Variants in PIP4K2B observed in about 807,000 individuals in gnomAD.
The protein encoded by PIP4K2B is phosphatidylinositol 5-phosphate 4-kinase type-2 beta.
Under a neutral mutation model 42.0 loss-of-function variants are expected in PIP4K2B, and 3 were observed. The ratio of observed to expected loss-of-function variants is 0.07; its 90% CI spans 0.03 to 0.18. The LOEUF (loss-of-function observed/expected upper bound fraction) is 0.18. Ranked by LOEUF, PIP4K2B falls within the 10% of genes least tolerant of loss-of-function variation. The pLI is 1.00. For synonymous variants in PIP4K2B, 204 were observed against 210.1 expected (o/e 0.97, Z 0.25); for missense variants, 332 against 562.3 (o/e 0.59, Z 4.14).
chr17:38,770,951 C>A, intron 8 of PIP4K2B, 63 bp downstream of exon 8: 2 of 1,584,822 alleles, frequency 1.3e-6, no homozygotes, highest in South Asian at 1.1e-5. Context: ...AGGATCTAAA[C>A]AATGAGCTGA....
chr17:38,784,472 G>T, intron 2 of PIP4K2B, 133 bp from the exon 3 acceptor site: 1 of 569,794 alleles, frequency 1.8e-6, no homozygotes, highest in Non-Finnish European at 3.1e-6. Flanking sequence ...CTGGCTTCAA[G>T]CGATCCTCCC....
In PIP4K2B at chr17:38,780,504, A is replaced by T. The variant is rs1909634950; in HGVS notation, c.455T>A (p.Val152Glu). 6.2e-7 allele frequency: 1 copy of T among 1,613,874 alleles called. No individual in the cohort carries two copies. Among genetic ancestry groups the T allele is most frequent in the African/African-American group, 1.3e-5 (1 of 74,932 alleles). ...TYDRRFVIKTVSSEDVAEMHN... is the reference protein window; with the variant it reads ...TYDRRFVIKTESSEDVAEMHN... Reference sequence around the variant, plus strand: ...CATCTCCGCCACGTCCTCGCTGGACACAGTCTTGATGACAAAGCGCCGGTC... The same window carrying T: ...CATCTCCGCCACGTCCTCGCTGGACTCAGTCTTGATGACAAAGCGCCGGTC... The change falls in exon 4 of 10, where the codon GTG becomes GAG. Residue 152 changes from valine to glutamate, a missense_variant. Val to Glu is a moderately radical substitution (Grantham distance 121). Coordinates refer to ENST00000619039, the MANE Select transcript of PIP4K2B (RefSeq NM_003559.5).
At position 38,779,563 on chromosome 17, in the gene PIP4K2B, G is replaced by C. The variant is rs1205667756; in HGVS notation, c.508-34C>G. The C allele has an allele frequency of 3.1e-6, 5 of 1,595,520 alleles. No individual in the cohort carries two copies. The African/African-American group carries it at 6.7e-5, about 21-fold the overall frequency. The stretch of plus-strand genomic sequence containing the variant: ...GAAAGGAAGAAGAGAGAGGACTAAG[G>C]AACAGGCAGTGCCAGGGATGGATGG... On this transcript the variant is annotated intron_variant, in intron 4 of 9. Transcript: ENST00000619039.
intron 7 of PIP4K2B, among the ~76,000 whole-genome samples, chr17:38,773,515 T>C (rs918198686): frequency 2.0e-5 from 3 of 152,164 alleles, no homozygotes; most frequent in Non-Finnish European, 2.9e-5. Context: ...TGATACAGGA[T>C]GGAAATGGCC....
rs1908730250 is a variant in PIP4K2B, at chr17:38,766,797, T to G, written c.*2894A>C. On this transcript the variant is annotated 3_prime_UTR_variant, in exon 10 of 10. Transcript: ENST00000619039. ...CAAGCCGCAGGGTACAGGAAAGAAG[T>G]TTGTGCTGGGGGACTCAAAGACCCA... is the stretch of plus-strand genomic sequence containing the variant. The G allele has an allele frequency of 6.5e-6, 1 of 152,748 alleles. No homozygotes were observed. Among genetic ancestry groups the G allele is most frequent in the African/African-American group, 2.4e-5 (1 of 41,510 alleles). 9.5% of individuals were successfully genotyped at this position (152,748 alleles called of 1,614,324 possible). A position where few individuals can be genotyped will look rare whatever the true frequency, so the allele number is the denominator to read the frequency against.
At chr17:38,791,594 A>G (rs1194808493) in intron 1 of PIP4K2B, among the ~76,000 whole-genome samples, 17 of 150,190 alleles carry the variant, frequency 1.1e-4, no homozygotes. Context: ...TTTTTAGTAG[A>G]GATGGGGTTT....
chr17:38,788,615 G>C (rs1050644612), intron 1 of PIP4K2B, among the ~76,000 whole-genome samples: 2 of 152,044 alleles, frequency 1.3e-5, no homozygotes, highest in Non-Finnish European at 2.9e-5. Context: ...CCAGTACTTT[G>C]GAAGGCCAAG....
At chr17:38,775,841 A>C (rs956213851) in intron 7 of PIP4K2B, among the ~76,000 whole-genome samples, 3 of 152,086 alleles carry the variant, frequency 2.0e-5, no homozygotes, top group African/African-American at 7.2e-5. Flanking sequence ...CTGGCAACAG[A>C]GCGAGACTCT....
intron 9 of PIP4K2B, 47 bp downstream of exon 9, chr17:38,770,389 G>T: frequency 8.5e-7 from 1 of 1,172,164 alleles, no homozygotes; most frequent in Non-Finnish European, 1.3e-6. Context: ...GGTAAGCACA[G>T]ATGCACCGAC....
intron 7 of PIP4K2B, among the ~76,000 whole-genome samples, chr17:38,771,866 AAAAAAATTTAAAAATTGG>A (rs1567652289): frequency 6.6e-6 from 1 of 152,096 alleles, no homozygotes; most frequent in Non-Finnish European, 1.5e-5. Flanking sequence ...CCATCTCTAC[AAAAAAATTTAAAAATTGG>A]CTGGGCGTGG....
In PIP4K2B at chr17:38,770,572, G is replaced by T. The variant is rs1402779811; in HGVS notation, c.1067-33C>A. The T allele has an allele frequency of 2.4e-6, 3 of 1,227,984 alleles. No homozygotes were observed. In the Admixed American group the frequency reaches 5.1e-5, roughly 21 times the overall value. The allele number at this position is 1,227,984 out of a possible 1,614,324, so 76.1% of individuals were successfully genotyped here. Reference sequence around the variant, plus strand: ...GACAAGGAGAGCAGGGAAGAAGGAAGAGGGGGCAGGAGAAGGGCAGACAGC... The same window carrying T: ...GACAAGGAGAGCAGGGAAGAAGGAATAGGGGGCAGGAGAAGGGCAGACAGC... On this transcript the variant is annotated intron_variant, in intron 8 of 9. Transcript: ENST00000619039.
intron 1 of PIP4K2B, among the ~76,000 whole-genome samples, chr17:38,793,935 TG>T (rs1161346438): frequency 1.4e-5 from 2 of 145,096 alleles, no homozygotes; most frequent in Non-Finnish European, 3.0e-5. Flanking sequence ...AGAACTGGGG[TG>T]GAATGTAGGA....
chr17:38,770,892 A>T, intron 8 of PIP4K2B, 122 bp downstream of exon 8: 3 of 1,133,904 alleles, frequency 2.6e-6, no homozygotes, highest in Non-Finnish European at 3.8e-6. Flanking sequence ...GGAGGCAGAA[A>T]GAGGTCAAAG....
chr17:38,783,650 G>A (rs1018543067), intron 3 of PIP4K2B, among the ~76,000 whole-genome samples: 2 of 151,880 alleles, frequency 1.3e-5, no homozygotes, highest in Admixed American at 6.6e-5. Context: ...GCCCAGGCTG[G>A]AGTGCAATGG....
chr17:38,783,068 G>A (rs572366706), intron 3 of PIP4K2B, among the ~76,000 whole-genome samples: 11 of 151,756 alleles, frequency 7.2e-5, no homozygotes, highest in East Asian at 1.9e-4. Context: ...GGTGGTGGGC[G>A]CCTGTAATCC....
chr17:38,784,184 G>T, intron 3 of PIP4K2B, 59 bp downstream of exon 3: 1 of 1,008,052 alleles, frequency 9.9e-7, no homozygotes, highest in Non-Finnish European at 1.6e-6. Context: ...TACCTGTCCT[G>T]TGGCTTCCTG....
In PIP4K2B at chr17:38,778,385, G is replaced by A. The variant is rs752633787; in HGVS notation, c.655-13C>T. ...CAACCGTAGAACCCTGAAAGGATAA[G>A]AGCCATCAGGGGAAGTCAAGCTGAG... is the stretch of plus-strand genomic sequence containing the variant. On this transcript the variant is annotated splice_polypyrimidine_tract_variant and intron_variant, in intron 5 of 9. Coordinates refer to ENST00000619039, the MANE Select transcript of PIP4K2B (RefSeq NM_003559.5). The A allele has an allele frequency of 1.9e-6, 3 of 1,613,702 alleles. No individual in the cohort carries two copies. The highest frequency in any genetic ancestry group is 1.7e-6 in the Non-Finnish European group (2 of 1,179,742).
At position 38,766,738 on chromosome 17, in the gene PIP4K2B, C is replaced by G. The variant is rs1228462240; in HGVS notation, c.*2953G>C. On this transcript the variant is annotated 3_prime_UTR_variant, in exon 10 of 10. Coordinates refer to ENST00000619039, the MANE Select transcript of PIP4K2B (RefSeq NM_003559.5). ...TGGAGCACTGCTTCAGTCTGCGCCCCTCAGCTGTGGCTTCCCGGCATGCCC... is the reference window on the plus strand; with the variant it reads ...TGGAGCACTGCTTCAGTCTGCGCCCGTCAGCTGTGGCTTCCCGGCATGCCC... 1 of 152,778 alleles carries G rather than the reference C, an allele frequency of 6.5e-6. No individual in the cohort carries two copies. Among genetic ancestry groups the G allele is most frequent in the East Asian group, 1.9e-4 (1 of 5,196 alleles). The allele number at this position is 152,778 out of a possible 1,614,324, so 9.5% of individuals were successfully genotyped here. A position where few individuals can be genotyped will look rare whatever the true frequency, so the allele number is the denominator to read the frequency against.
chr17:38,787,155 C>G (rs1910072344), intron 1 of PIP4K2B, among the ~76,000 whole-genome samples: 1 of 152,154 alleles, frequency 6.6e-6, no homozygotes, highest in Non-Finnish European at 1.5e-5. Context: ...CCCACACCAG[C>G]CCCCCAAGTA....
Sources: gnomAD v4.1 joint callset for allele counts (sites outside exome capture counted in the v4.1 genomes callset) on GRCh38, gnomAD v4.1.1 for gene constraint, MANE v1.5 for transcripts, NCBI Gene and HGNC (gene_info 2026-07-23, HGNC 2026-07-21) for gene names.